Variants in RAPGEF6 observed in about 807,000 individuals in gnomAD.
RAPGEF6 encodes the protein Rap guanine nucleotide exchange factor 6.
RAPGEF6 carries 56 observed loss-of-function variants against 171.4 expected under a neutral mutation model. The observed-to-expected ratio is 0.33, with a 90% CI of 0.26 to 0.41. The LOEUF (loss-of-function observed/expected upper bound fraction) is 0.41, where lower values mean the gene tolerates loss of function less well. Ranked by LOEUF, RAPGEF6 falls within the 10% of genes least tolerant of loss-of-function variation. RAPGEF6 has a pLI of 1.00. For missense variants in RAPGEF6, 1,674 were observed against 1,921.4 expected (o/e 0.87, Z 2.41); for synonymous variants, 692 against 650.1 (o/e 1.06, Z -0.98).
At chr5:131,436,622 A>AC (rs1752026036) in intron 24 of RAPGEF6, among the ~76,000 whole-genome samples, 1 of 146,654 alleles carries the variant, frequency 6.8e-6, no homozygotes, top group African/African-American at 2.8e-5. Flanking sequence ...GATAAAAATA[A>AC]AAACAAAAAC....
intron 25 of RAPGEF6, among the ~76,000 whole-genome samples, chr5:131,433,014 A>G (rs557482598): frequency 6.6e-6 from 1 of 152,134 alleles, no homozygotes; most frequent in Admixed American, 6.5e-5. Flanking sequence ...TCCCCAAATT[A>G]CACTTTCAGA....
intron 1 of RAPGEF6, among the ~76,000 whole-genome samples, chr5:131,617,355 G>A (rs1394597453): frequency 6.6e-6 from 1 of 152,208 alleles, no homozygotes; most frequent in African/African-American, 2.4e-5. Flanking sequence ...TTTAAATTAT[G>A]CCTATTTCAG....
intron 4 of RAPGEF6, among the ~76,000 whole-genome samples, chr5:131,564,845 T>G (rs1344959481): frequency 6.6e-6 from 1 of 152,152 alleles, no homozygotes; most frequent in South Asian, 2.1e-4. Context: ...AAATCACATA[T>G]GCAGACACAT....
chr5:131,614,281 CA>C (rs386404987), intron 1 of RAPGEF6, among the ~76,000 whole-genome samples: 155 of 81,400 alleles, frequency 1.9e-3, no homozygotes, highest in East Asian at 5.4e-3. Flanking sequence ...GACTCTGTCT[CA>C]AAAAAAAAAA....
chr5:131,634,486 C>A (rs910789000), intron 1 of RAPGEF6, among the ~76,000 whole-genome samples: 1 of 152,218 alleles, frequency 6.6e-6, no homozygotes, highest in Non-Finnish European at 1.5e-5. Flanking sequence ...ACAGAATTCA[C>A]CATTTGACTG....
chr5:131,440,644 A>G (rs1010877859), intron 23 of RAPGEF6, among the ~76,000 whole-genome samples: 10 of 150,606 alleles, frequency 6.6e-5, no homozygotes, highest in Admixed American at 2.7e-4. Context: ...AGGCTGAGGC[A>G]TAAGAATTGC....
chr5:131,469,874 T>C, intron 17 of RAPGEF6: 1 of 1,359,230 alleles, frequency 7.4e-7, no homozygotes, highest in South Asian at 1.3e-5. Flanking sequence ...AACTTACAGT[T>C]CTGTAGCTTT....
chr5:131,532,247 A>G (rs1214058727), intron 6 of RAPGEF6: 1 of 378,574 alleles, frequency 2.6e-6, no homozygotes, highest in African/African-American at 2.1e-5. Flanking sequence ...TTTACAAATC[A>G]TACACCACTG....
chr5:131,472,464 A>G (rs531032754), intron 17 of RAPGEF6, 123 bp downstream of exon 17: 2 of 1,131,058 alleles, frequency 1.8e-6, no homozygotes, highest in African/African-American at 3.1e-5. Context: ...AGTTTTTTGC[A>G]TCAAGTCATA....
At chr5:131,584,072 G>T (rs754860609) in intron 4 of RAPGEF6, among the ~76,000 whole-genome samples, 1 of 152,198 alleles carries the variant, frequency 6.6e-6, no homozygotes, top group Non-Finnish European at 1.5e-5. Context: ...AAAGTGGCAT[G>T]AGGAAACTTT....
chr5:131,437,284 G>A (rs1388396912), intron 24 of RAPGEF6, among the ~76,000 whole-genome samples: 1 of 152,200 alleles, frequency 6.6e-6, no homozygotes, highest in Non-Finnish European at 1.5e-5. Context: ...CACAAAGGGA[G>A]AAAATACTTC....
At position 131,483,500 on chromosome 5, in the gene RAPGEF6, C is replaced by A. The variant is rs577778788; in HGVS notation, c.1841-3747G>T. Among the ~76,000 whole-genome samples, 3 of 151,590 alleles carry A rather than the reference C, an allele frequency of 2.0e-5. No homozygotes were observed. In the South Asian group the frequency reaches 6.2e-4, roughly 32 times the overall value. ...GACAAAAATGAAAGGATAGTGAGTA[C>A]ACATAACTACAATGCTATTAAACAG... On this transcript the variant is annotated intron_variant, in intron 15 of 27. Transcript: ENST00000509018.
At chr5:131,586,352 T>G (rs1205510637) in intron 4 of RAPGEF6, among the ~76,000 whole-genome samples, 1 of 152,198 alleles carries the variant, frequency 6.6e-6, no homozygotes, top group Non-Finnish European at 1.5e-5. Flanking sequence ...GAAGTCACTT[T>G]ACAAAAAAGG....
At chr5:131,445,009 C>CT (rs1233773458) in intron 22 of RAPGEF6, among the ~76,000 whole-genome samples, 1 of 152,132 alleles carries the variant, frequency 6.6e-6, no homozygotes, top group Non-Finnish European at 1.5e-5. Context: ...TTAAAAATGT[C>CT]TTTTTCCAAA....
At chr5:131,518,834 ATTTAT>A (rs1218055635) in intron 7 of RAPGEF6, among the ~76,000 whole-genome samples, 1 of 151,900 alleles carries the variant, frequency 6.6e-6, no homozygotes, top group Non-Finnish European at 1.5e-5. Flanking sequence ...GTTTTATCTT[ATTTAT>A]TTTATCTTTA....
intron 17 of RAPGEF6, chr5:131,472,327 T>G: frequency 2.2e-6 from 1 of 449,216 alleles, no homozygotes; most frequent in Non-Finnish European, 4.2e-6. Context: ...CGCCTCGGCC[T>G]CCCAAAGTGC....
rs2149802251 is a variant in RAPGEF6, at chr5:131,427,133, G to A, written c.*133C>T. 1.2e-6 allele frequency: 1 copy of A among 822,102 alleles called. No homozygotes were observed. Among genetic ancestry groups the A allele is most frequent in the Non-Finnish European group, 2.1e-6 (1 of 477,822 alleles). The allele number at this position is 822,102 out of a possible 1,614,324, so 50.9% of individuals were successfully genotyped here. A position where few individuals can be genotyped will look rare whatever the true frequency, so the allele number is the denominator to read the frequency against. Reference sequence around the variant, plus strand: ...TAACTCAGGTCTATTTCATTGCTCGGAGTAGAGGGAATAAAACCTCTGGAC... The same window carrying A: ...TAACTCAGGTCTATTTCATTGCTCGAAGTAGAGGGAATAAAACCTCTGGAC... On this transcript the variant is annotated 3_prime_UTR_variant, in exon 28 of 28. Transcript: ENST00000509018.
chr5:131,587,184 G>A (rs550915010), intron 4 of RAPGEF6, among the ~76,000 whole-genome samples: 7 of 152,258 alleles, frequency 4.6e-5, no homozygotes, highest in South Asian at 4.1e-4. Context: ...AACAAGACCC[G>A]GCTCTTAGCT....
At chr5:131,634,885 T>G (rs1766540612) in intron 1 of RAPGEF6, 77 bp downstream of exon 1, 1 of 1,537,946 alleles carries the variant, frequency 6.5e-7, no homozygotes, top group African/African-American at 1.4e-5. Context: ...AAGAGGGCAG[T>G]CGCCGCGGAT....
Sources: gnomAD v4.1 joint callset for allele counts (sites outside exome capture counted in the v4.1 genomes callset) on GRCh38, gnomAD v4.1.1 for gene constraint, MANE v1.5 for transcripts, NCBI Gene and HGNC (gene_info 2026-07-23, HGNC 2026-07-21) for gene names.